The following EPB41L4B variants were observed in gnomAD, a reference collection of about 807,000 sequenced individuals.
EPB41L4B encodes the protein band 4.1-like protein 4B.
In EPB41L4B, 30 loss-of-function variants were observed where a neutral mutation model predicts 112.5. The observed-to-expected ratio is 0.27, with a 90% confidence interval of 0.20 to 0.36. EPB41L4B has a LOEUF of 0.36. EPB41L4B is among the 10% of genes least tolerant of loss of function. The pLI, the probability that EPB41L4B is intolerant of heterozygous loss-of-function variation, is 1.00. For missense variants in EPB41L4B, 1,024 were observed against 1,133.3 expected (o/e 0.90, Z 1.38); for synonymous variants, 408 against 439.7 (o/e 0.93, Z 0.90).
chr9:109,300,913 C>A (rs1836940292), intron 1 of EPB41L4B: 1 of 152,188 alleles, frequency 6.6e-6, no homozygotes, highest in Admixed American at 6.5e-5. Context: ...ACTCTACTAT[C>A]CCTAGGAGGA....
At chr9:109,273,176 C>T (rs781691573) in intron 2 of EPB41L4B, among the ~76,000 whole-genome samples, 2 of 152,028 alleles carry the variant, frequency 1.3e-5, no homozygotes, top group Non-Finnish European at 2.9e-5. Context: ...AGTATTTGCA[C>T]GTGGGCAGGA....
intron 2 of EPB41L4B, among the ~76,000 whole-genome samples, chr9:109,276,154 TACACACACACAC>T (rs66791042): frequency 0.34 from 48,714 of 141,470 alleles, 8,564 homozygotes; most frequent in Admixed American, 0.42. Flanking sequence ...CGTGTGTGTA[TACACACACACAC>T]ACACACACAC....
intron 15 of EPB41L4B, among the ~76,000 whole-genome samples, chr9:109,226,114 G>C (rs1355911349): frequency 2.6e-5 from 4 of 152,108 alleles, no homozygotes; most frequent in African/African-American, 9.7e-5. Flanking sequence ...TTTCCTGAGT[G>C]CTCTCAGATC....
At chr9:109,269,865 AC>A (rs567073463) in intron 2 of EPB41L4B, among the ~76,000 whole-genome samples, 6 of 152,194 alleles carry the variant, frequency 3.9e-5, no homozygotes, top group Non-Finnish European at 7.3e-5. Context: ...AGTGTACTCC[AC>A]ACCTAACCAA....
In EPB41L4B at chr9:109,299,913, C is replaced by T. The variant is rs138345147; in HGVS notation, c.307-19992G>A. Among the ~76,000 whole-genome samples the T allele has an allele frequency of 5.9e-5, 9 of 152,340 alleles. No homozygotes were observed. In the East Asian group the frequency reaches 1.7e-3, roughly 29 times the overall value. Reference sequence around the variant, plus strand: ...CTCACCCCCATCCCCGCACTCACAGCAGAGCTTGCAGCTATGAACAAAGAC... The same window carrying T: ...CTCACCCCCATCCCCGCACTCACAGTAGAGCTTGCAGCTATGAACAAAGAC... On this transcript the variant is annotated intron_variant, in intron 1 of 25. Transcript: ENST00000374566.
intron 2 of EPB41L4B, among the ~76,000 whole-genome samples, chr9:109,278,209 TG>T (rs1388316443): frequency 2.0e-5 from 3 of 151,876 alleles, no homozygotes; most frequent in African/African-American, 7.3e-5. Context: ...TGAGAGTCTC[TG>T]GCTGAGAAAT....
rs565087705 is a variant in EPB41L4B at position 109,206,154 on chromosome 9, A to G, written c.1878+1770T>C. 2.0e-5 allele frequency among the ~76,000 whole-genome samples: 3 copies of G among 152,218 alleles called. No homozygotes were observed. In the East Asian group the frequency reaches 5.8e-4, roughly 29 times the overall value. On this transcript the variant is annotated intron_variant, in intron 18 of 25. Coordinates refer to ENST00000374566, the MANE Select transcript of EPB41L4B (RefSeq NM_019114.5). ...ATGAAGGAGATAGTTTTTAAAATTT[A>G]TTTCTTATTTTTTACTTTATTTAAT...
chr9:109,306,860 C>T lies in EPB41L4B; in HGVS notation c.306+13281G>A, dbSNP rs566444996. Reference sequence around the variant, plus strand: ...GGCTGGAACACTATACAGAGCTGACCCAAGAATCCACTGGGGGCCACCAAG... The same window carrying T: ...GGCTGGAACACTATACAGAGCTGACTCAAGAATCCACTGGGGGCCACCAAG... On this transcript the variant is annotated intron_variant, in intron 1 of 25. Coordinates refer to ENST00000374566, the MANE Select transcript of EPB41L4B (RefSeq NM_019114.5). Among the ~76,000 whole-genome samples, 10 of 152,140 alleles carry T rather than the reference C, an allele frequency of 6.6e-5. 1 individual carries two copies. In the South Asian group the frequency reaches 1.5e-3, roughly 22 times the overall value.
chr9:109,307,687 A>G (rs1837262809), intron 1 of EPB41L4B, among the ~76,000 whole-genome samples: 1 of 152,234 alleles, frequency 6.6e-6, no homozygotes, highest in Non-Finnish European at 1.5e-5. Context: ...AGTGCGCTGC[A>G]GGTTAATAAC....
chr9:109,281,650 A>G (rs1006737303), intron 1 of EPB41L4B, among the ~76,000 whole-genome samples: 91 of 152,252 alleles, frequency 6.0e-4, no homozygotes, highest in African/African-American at 2.2e-3. Flanking sequence ...GTGCCACTGC[A>G]CTCAGCCTCG....
At chr9:109,194,088 T>C in intron 21 of EPB41L4B, 132 bp downstream of exon 21, 2 of 935,372 alleles carry the variant, frequency 2.1e-6, no homozygotes, top group Non-Finnish European at 3.1e-6. Context: ...GTTCTGGTTG[T>C]TGCTGTTGTT....
At chr9:109,233,829 G>C (rs1313110841) in intron 15 of EPB41L4B, among the ~76,000 whole-genome samples, 1 of 152,134 alleles carries the variant, frequency 6.6e-6, no homozygotes, top group Non-Finnish European at 1.5e-5. Flanking sequence ...ACCACGCTTA[G>C]CCTGGAAACC....
chr9:109,180,996 G>C (rs7031103), intron 24 of EPB41L4B, among the ~76,000 whole-genome samples: 65,998 of 151,880 alleles, frequency 0.43, 15,052 homozygotes, highest in African/African-American at 0.54. Flanking sequence ...GAAACTACAG[G>C]ATTTAAACAT....
chr9:109,192,306 A>C lies in EPB41L4B; in HGVS notation c.2273T>G (p.Leu758Arg). The part of the protein sequence containing the change: ...GAFTLEPGDL[L>R]MDFTEATPLA... The stretch of plus-strand genomic sequence containing the variant: ...AGGAGTGGCTTCTGTGAAATCCATC[A>C]GAAGATCACCCGGCTCCAGGGTAAA... The change falls in exon 22 of 26, where the codon CTG becomes CGG. Residue 758 changes from leucine (L) to arginine (R), a missense_variant. Coordinates refer to ENST00000374566, the MANE Select transcript of EPB41L4B (RefSeq NM_019114.5). The C allele has an allele frequency of 1.2e-6, 2 of 1,612,168 alleles. No homozygotes were observed. The highest frequency in any genetic ancestry group is 1.7e-6 in the Non-Finnish European group (2 of 1,179,210).
At chr9:109,176,748 C>T (rs1831857044) in intron 24 of EPB41L4B, 52 bp from the exon 25 acceptor site, 5 of 1,604,678 alleles carry the variant, frequency 3.1e-6, no homozygotes, top group Non-Finnish European at 4.3e-6. Context: ...GTTCCATTTT[C>T]ACACTGTCAG....
intron 1 of EPB41L4B, among the ~76,000 whole-genome samples, chr9:109,287,595 C>T (rs1836340675): frequency 6.6e-6 from 1 of 152,168 alleles, no homozygotes; most frequent in Non-Finnish European, 1.5e-5. Context: ...TGAGGGTAAA[C>T]GTGGCTCCCC....
intron 15 of EPB41L4B, among the ~76,000 whole-genome samples, chr9:109,234,084 A>C: frequency 7.1e-6 from 1 of 140,740 alleles, no homozygotes; most frequent in Non-Finnish European, 1.5e-5. Context: ...TCTGGATTTT[A>C]CCCATCAGAC....
chr9:109,265,011 A>C lies in EPB41L4B; in HGVS notation c.547T>G (p.Leu183Val). The change falls in exon 5 of 26, where the codon TTA becomes GTA. Residue 183 changes from leucine to valine, a missense_variant. Leu to Val is a conservative substitution (Grantham distance 32). Coordinates refer to ENST00000374566, the MANE Select transcript of EPB41L4B (RefSeq NM_019114.5). Reference sequence around the variant, plus strand: ...GAAAGAATGTCATGCCTGAGTTGTAAAACAAACAGGTACCTGACAAACATA... The same window carrying C: ...GAAAGAATGTCATGCCTGAGTTGTACAACAAACAGGTACCTGACAAACATA... The part of the protein sequence containing the change: ...REEFTRYLFV[L>V]QLRHDILSGK... The C allele has an allele frequency of 6.2e-7, 1 of 1,607,256 alleles. No individual in the cohort carries two copies. Among genetic ancestry groups the C allele is most frequent in the Non-Finnish European group, 8.5e-7 (1 of 1,178,464 alleles).
At chr9:109,178,955 T>TA (rs1354083855) in intron 24 of EPB41L4B, among the ~76,000 whole-genome samples, 3 of 141,076 alleles carry the variant, frequency 2.1e-5, no homozygotes, top group Non-Finnish European at 4.6e-5. Flanking sequence ...GAAGAAGCAG[T>TA]AAAAATTACA....
Sources: gnomAD v4.1 joint callset for allele counts (sites outside exome capture counted in the v4.1 genomes callset) on GRCh38, gnomAD v4.1.1 for gene constraint, MANE v1.5 for transcripts, NCBI Gene and HGNC (gene_info 2026-07-23, HGNC 2026-07-21) for gene names.